Variants in RNF180 observed in about 807,000 individuals in gnomAD.
RNF180 encodes ring finger protein 180.
In RNF180, 38 loss-of-function variants were observed where a neutral mutation model predicts 59.2. That is an observed-to-expected ratio of 0.64 (90% CI 0.50 to 0.84). The LOEUF is 0.84. Ranked by LOEUF, RNF180 falls within the 40% of genes least tolerant of loss-of-function variation. The pLI, the probability that RNF180 is intolerant of heterozygous loss-of-function variation, is 0.00. For synonymous variants in RNF180, 262 were observed against 240.3 expected, an observed-to-expected ratio of 1.09 and a Z score of -0.84; for missense variants, 705 against 700.9, an observed-to-expected ratio of 1.01 and a Z score of -0.07.
chr5:64,226,234 A>G (rs1032241653), intron 5 of RNF180, among the ~76,000 whole-genome samples: 1 of 152,132 alleles, frequency 6.6e-6, no homozygotes, highest in African/African-American at 2.4e-5. Flanking sequence ...AAAGGGGGAA[A>G]TGTGGGGAAA....
At chr5:64,356,463 G>T (rs1053450184) in intron 7 of RNF180, among the ~76,000 whole-genome samples, 3 of 151,782 alleles carry the variant, frequency 2.0e-5, no homozygotes, top group Non-Finnish European at 2.9e-5. Context: ...TCCTCGAAAA[G>T]CTAATCATAG....
chr5:64,365,413 G>A (rs1746408678), intron 7 of RNF180, among the ~76,000 whole-genome samples: 1 of 151,668 alleles, frequency 6.6e-6, no homozygotes, highest in Admixed American at 6.6e-5. Context: ...ACTGTTTTAT[G>A]TTCAATTGTG....
chr5:64,261,097 T>C (rs1293176272), intron 5 of RNF180, among the ~76,000 whole-genome samples: 2 of 152,146 alleles, frequency 1.3e-5, no homozygotes, highest in African/African-American at 4.8e-5. Flanking sequence ...CATGCAGAAA[T>C]AGTAGATTTA....
At chr5:64,265,669 C>T (rs1374189333) in intron 5 of RNF180, among the ~76,000 whole-genome samples, 1 of 152,134 alleles carries the variant, frequency 6.6e-6, no homozygotes, top group African/African-American at 2.4e-5. Flanking sequence ...GTGATGCCTC[C>T]AGCTTTGTTC....
At chr5:64,322,369 T>C (rs1580249339) in intron 5 of RNF180, among the ~76,000 whole-genome samples, 2 of 152,152 alleles carry the variant, frequency 1.3e-5, no homozygotes, top group Admixed American at 1.3e-4. Flanking sequence ...CACAATTTTA[T>C]GCAGCCAACA....
intron 5 of RNF180, among the ~76,000 whole-genome samples, chr5:64,290,616 C>A (rs1327279014): frequency 6.6e-6 from 1 of 152,078 alleles, no homozygotes; most frequent in African/African-American, 2.4e-5. Flanking sequence ...TGAATTGAAC[C>A]ATTTACCATT....
intron 5 of RNF180, among the ~76,000 whole-genome samples, chr5:64,310,969 T>A (rs772992554): frequency 6.6e-6 from 1 of 151,962 alleles, no homozygotes; most frequent in African/African-American, 2.4e-5. Context: ...AATAATGGGC[T>A]TAGTGAACAA....
At chr5:64,356,747 A>G (rs1746043748) in intron 7 of RNF180, among the ~76,000 whole-genome samples, 1 of 151,892 alleles carries the variant, frequency 6.6e-6, no homozygotes, top group African/African-American at 2.4e-5. Context: ...AAATAAACCA[A>G]ACACAAAAGG....
At chr5:64,166,519 T>G (rs1227346742) in intron 1 of RNF180, among the ~76,000 whole-genome samples, 2 of 152,116 alleles carry the variant, frequency 1.3e-5, no homozygotes, top group Non-Finnish European at 1.5e-5. Context: ...GGTCATAAGC[T>G]CTGAAATCCA....
At chr5:64,211,373 T>C (rs554483451) in intron 2 of RNF180, among the ~76,000 whole-genome samples, 36 of 152,134 alleles carry the variant, frequency 2.4e-4, no homozygotes, top group Admixed American at 5.2e-4. Context: ...GCAAGCTTGG[T>C]TTATTTTTGT....
intron 5 of RNF180, among the ~76,000 whole-genome samples, chr5:64,220,867 TA>T (rs1741289549): frequency 6.6e-6 from 1 of 152,094 alleles, no homozygotes; most frequent in Admixed American, 6.5e-5. Context: ...TCATCTACAG[TA>T]ATTCTATTAC....
At chr5:64,268,004 G>A (rs1744788449) in intron 5 of RNF180, among the ~76,000 whole-genome samples, 1 of 152,108 alleles carries the variant, frequency 6.6e-6, no homozygotes, top group East Asian at 1.9e-4. Flanking sequence ...TCCTATCCAA[G>A]TTCATAGAAC....
chr5:64,199,305 A>G (rs1751611239), intron 1 of RNF180, among the ~76,000 whole-genome samples: 1 of 152,096 alleles, frequency 6.6e-6, no homozygotes. Flanking sequence ...AAAGTTGATT[A>G]CTGTCTGTCC....
intron 5 of RNF180, among the ~76,000 whole-genome samples, chr5:64,244,122 C>T (rs1165501185): frequency 3.9e-5 from 6 of 152,020 alleles, no homozygotes; most frequent in Non-Finnish European, 7.4e-5. Flanking sequence ...GATAAATCCA[C>T]GAAGATGAGG....
At chr5:64,286,612 C>T (rs538531877) in intron 5 of RNF180, among the ~76,000 whole-genome samples, 1 of 152,152 alleles carries the variant, frequency 6.6e-6, no homozygotes, top group East Asian at 1.9e-4. Context: ...CAAACTAAAT[C>T]CTTCAATCAG....
chr5:64,343,310 G>T (rs1216864706), intron 7 of RNF180, among the ~76,000 whole-genome samples: 1 of 152,032 alleles, frequency 6.6e-6, no homozygotes, highest in Non-Finnish European at 1.5e-5. Context: ...AAAACAGTCT[G>T]GGACTACAAA....
At chr5:64,343,183 G>T (rs1454237452) in intron 7 of RNF180, among the ~76,000 whole-genome samples, 10 of 152,052 alleles carry the variant, frequency 6.6e-5, no homozygotes, top group African/African-American at 2.4e-4. Flanking sequence ...TCTAGATGTT[G>T]GGGTTAGCAG....
intron 2 of RNF180, among the ~76,000 whole-genome samples, chr5:64,204,364 G>A (rs1414836588): frequency 6.6e-6 from 1 of 152,200 alleles, no homozygotes. Context: ...CATAGGGTAT[G>A]TGCATGTTCA....
At chr5:64,244,575 G>T (rs181392129) in intron 5 of RNF180, among the ~76,000 whole-genome samples, 9 of 152,144 alleles carry the variant, frequency 5.9e-5, no homozygotes, top group Non-Finnish European at 1.2e-4. Context: ...AAGACTCCAA[G>T]AAATGGGACT....
Sources: allele counts gnomAD v4.1 joint callset (sites outside exome capture counted in the v4.1 genomes callset), GRCh38; gene constraint gnomAD v4.1.1; transcripts MANE v1.5; gene names NCBI Gene and HGNC (gene_info 2026-07-23, HGNC 2026-07-21).